Variants in PCLAF observed in about 807,000 individuals in gnomAD.
PCLAF encodes the protein PCNA-associated factor.
PCLAF carries 12 observed loss-of-function variants against 15.1 expected under a neutral mutation model. The ratio of observed to expected loss-of-function variants is 0.79; its 90% CI spans 0.51 to 1.29. PCLAF has a LOEUF of 1.29. PCLAF is among the 50% of genes most tolerant of loss of function. The pLI, the probability that PCLAF is intolerant of heterozygous loss-of-function variation, is 0.00. For missense variants in PCLAF, 116 were observed against 130.9 expected (o/e 0.89, Z 0.56); for synonymous variants, 33 against 47.1 (o/e 0.70, Z 1.22).
chr15:64,369,311 T>C (rs1899180067), intron 3 of PCLAF, among the ~76,000 whole-genome samples: 2 of 144,086 alleles, frequency 1.4e-5, no homozygotes, highest in African/African-American at 5.2e-5. Context: ...CAGCGAGCTA[T>C]GATCTCACCA....
At chr15:64,379,790 CAGA>C (rs1899751646) in intron 2 of PCLAF, among the ~76,000 whole-genome samples, 1 of 152,078 alleles carries the variant, frequency 6.6e-6, no homozygotes, top group African/African-American at 2.4e-5. Context: ...ACTCCACGCA[CAGA>C]AGGAGCAGCG....
intron 3 of PCLAF, among the ~76,000 whole-genome samples, chr15:64,375,249 C>G (rs572527100): frequency 6.6e-6 from 1 of 152,084 alleles, no homozygotes; most frequent in Non-Finnish European, 1.5e-5. Context: ...TTCAGCCTCC[C>G]GAGTAGCTGA....
At position 64,377,788 on chromosome 15, in the gene PCLAF, G is replaced by T. The variant is rs111454320; in HGVS notation, c.128-883C>A. On this transcript the variant is annotated intron_variant, in intron 2 of 3. Transcript: ENST00000300035. Reference sequence around the variant, plus strand: ...TTTTTTTTTTTCAAAGTCTAGCTCTGTCACCCAGGCTGGAGTGCAGTGGCG... The same window carrying T: ...TTTTTTTTTTTCAAAGTCTAGCTCTTTCACCCAGGCTGGAGTGCAGTGGCG... Among the ~76,000 whole-genome samples the T allele has an allele frequency of 6.6e-3, 654 of 98,936 alleles. 9 individuals are homozygous for T. The highest frequency in any genetic ancestry group is 0.017 in the African/African-American group (432 of 25,374). The allele number at this position is 98,936 out of a possible 152,430, so 64.9% of individuals were successfully genotyped here.
chr15:64,380,868 G>T (rs892663969), intron 2 of PCLAF, 90 bp downstream of exon 2: 1 of 1,100,384 alleles, frequency 9.1e-7, no homozygotes, highest in Non-Finnish European at 1.3e-6. Flanking sequence ...AAATTCGGGC[G>T]TGAGTACCTC....
At chr15:64,377,003 G>C in intron 2 of PCLAF, 98 bp from the exon 3 acceptor site, 1 of 902,190 alleles carries the variant, frequency 1.1e-6, no homozygotes, top group East Asian at 2.6e-5. Flanking sequence ...ATTCTCAAAG[G>C]TATTAAATAA....
chr15:64,383,686 G>T (rs920285331), upstream of PCLAF, among the ~76,000 whole-genome samples: 5 of 152,094 alleles, frequency 3.3e-5, no homozygotes, highest in Non-Finnish European at 7.4e-5. Flanking sequence ...GTTCTTAAAT[G>T]CCATTATTTC....
At chr15:64,383,513 C>T (rs1398292194), upstream of PCLAF, among the ~76,000 whole-genome samples, 4 of 151,900 alleles carry the variant, frequency 2.6e-5, no homozygotes, top group Non-Finnish European at 4.4e-5. Flanking sequence ...ATTACAGACA[C>T]GTGCCAAAAC....
intron 3 of PCLAF, among the ~76,000 whole-genome samples, chr15:64,368,556 C>T (rs1596320503): frequency 2.6e-5 from 4 of 152,030 alleles, no homozygotes; most frequent in Admixed American, 2.6e-4. Flanking sequence ...TTTACCCTGC[C>T]TTTGGGAGAA....
At chr15:64,370,179 A>C (rs1409169538) in intron 3 of PCLAF, among the ~76,000 whole-genome samples, 1 of 150,602 alleles carries the variant, frequency 6.6e-6, no homozygotes, top group African/African-American at 2.4e-5. Context: ...CCTGGGCTCA[A>C]GCGACTCCCA....
intron 2 of PCLAF, among the ~76,000 whole-genome samples, chr15:64,379,882 A>G (rs1217952602): frequency 6.6e-6 from 1 of 152,184 alleles, no homozygotes; most frequent in Non-Finnish European, 1.5e-5. Context: ...GAGAAAACCC[A>G]CAGACATCAT....
chr15:64,386,453 T>C (rs765704808), intron 1 of PCLAF, among the ~76,000 whole-genome samples: 16 of 152,156 alleles, frequency 1.1e-4, no homozygotes, highest in Non-Finnish European at 2.2e-4. Flanking sequence ...TTCAAGTAGC[T>C]GAGACTACAG....
rs1309608617 is a variant in PCLAF, at chr15:64,379,639, GAATT to G, written c.127+1315_127+1318del. ...AAATGTTTATAATAGGGAGAAATTT[GAATT>G]GACTTTAAAACCCATGAAGTCCTAA... On this transcript the variant is annotated intron_variant, in intron 2 of 3. Coordinates refer to ENST00000300035, the MANE Select transcript of PCLAF (RefSeq NM_014736.6). 4.6e-5 allele frequency among the ~76,000 whole-genome samples: 7 copies of G among 152,260 alleles called. No individual in the cohort carries two copies. In the East Asian group the frequency reaches 1.3e-3, roughly 29 times the overall value.
intron 3 of PCLAF, among the ~76,000 whole-genome samples, chr15:64,372,577 G>A (rs768441835): frequency 1.4e-4 from 21 of 152,198 alleles, no homozygotes; most frequent in Non-Finnish European, 1.5e-5. Flanking sequence ...TAGCGCCACT[G>A]CACCCCAGCC....
chr15:64,373,787 T>C, intron 3 of PCLAF: 1 of 1,534,846 alleles, frequency 6.5e-7, no homozygotes, highest in Non-Finnish European at 8.7e-7. Flanking sequence ...AGATAGCAAG[T>C]AGGGTCTTAT....
intron 3 of PCLAF, among the ~76,000 whole-genome samples, chr15:64,371,593 T>G (rs1164845021): frequency 6.6e-6 from 1 of 151,880 alleles, no homozygotes; most frequent in Non-Finnish European, 1.5e-5. Context: ...ATTAATCAAA[T>G]ATGACTTCAA....
At chr15:64,371,184 G>A (rs1899297279) in intron 3 of PCLAF, among the ~76,000 whole-genome samples, 1 of 151,608 alleles carries the variant, frequency 6.6e-6, no homozygotes, top group Non-Finnish European at 1.5e-5. Context: ...TAGCCAGGAT[G>A]GTCTTGATCT....
At chr15:64,377,347 T>C (rs1684140581) in intron 2 of PCLAF, among the ~76,000 whole-genome samples, 1 of 148,870 alleles carries the variant, frequency 6.7e-6, no homozygotes, top group South Asian at 2.1e-4. Context: ...CGTGCCTGTA[T>C]TCCCAGCTAC....
Position 64,365,878 on chromosome 15 carries a change from C to G in PCLAF, c.*152G>C. 1.5e-6 allele frequency: 1 copy of G among 650,952 alleles called. No homozygotes were observed. The highest frequency in any genetic ancestry group is 2.9e-5 in the East Asian group (1 of 35,046). The allele number at this position is 650,952 out of a possible 1,614,324, so 40.3% of individuals were successfully genotyped here. A position where few individuals can be genotyped will look rare whatever the true frequency, so the allele number is the denominator to read the frequency against. On this transcript the variant is annotated 3_prime_UTR_variant, in exon 4 of 4. Transcript: ENST00000300035. ...TAGTCTTACAAATTCTCAAATTTCA[C>G]AACTACTTTTGAACATCTAAATTTA... is the stretch of plus-strand genomic sequence containing the variant.
At chr15:64,378,645 G>A (rs11071793) in intron 2 of PCLAF, among the ~76,000 whole-genome samples, 122,181 of 152,084 alleles carry the variant, frequency 0.8, 50,064 homozygotes, top group East Asian at 0.95. Context: ...GGGCGCAGTG[G>A]CTCACGCCTG....
Sources: gnomAD v4.1 joint callset for allele counts (sites outside exome capture counted in the v4.1 genomes callset) on GRCh38, gnomAD v4.1.1 for gene constraint, MANE v1.5 for transcripts, NCBI Gene and HGNC (gene_info 2026-07-23, HGNC 2026-07-21) for gene names.